CORO1C: variants seen among roughly 807,000 people sequenced by gnomAD.
CORO1C encodes the protein coronin 1C.
Under a neutral mutation model 51.2 loss-of-function variants are expected in CORO1C, and 14 were observed. That is an observed-to-expected ratio of 0.27 (90% CI 0.18 to 0.43). The LOEUF is 0.43. CORO1C is among the 20% of genes least tolerant of loss of function. CORO1C has a pLI of 1.00. For missense variants in CORO1C, 417 were observed against 607.8 expected (o/e 0.69, Z 3.30); for synonymous variants, 181 against 210.5 (o/e 0.86, Z 1.21).
intron 2 of CORO1C, among the ~76,000 whole-genome samples, chr12:108,698,171 A>G (rs2034750810): frequency 6.6e-6 from 1 of 152,240 alleles, no homozygotes; most frequent in Non-Finnish European, 1.5e-5. Context: ...ATGAGGGACC[A>G]CAGGACCACT....
In CORO1C at chr12:108,697,809, TACAG is replaced by T. The variant is rs566250007; in HGVS notation, c.195+3311_195+3314del. Among the ~76,000 whole-genome samples the T allele has an allele frequency of 5.3e-5, 8 of 152,338 alleles. No homozygotes were observed. The East Asian group carries it at 1.5e-3, about 29-fold the overall frequency. ...GCTGGCACACAGCAGGTACTCTGCT[TACAG>T]ACAATCAAACCAACTAATCGTATAT... On this transcript the variant is annotated intron_variant, in intron 2 of 10. Coordinates refer to ENST00000261401, the MANE Select transcript of CORO1C (RefSeq NM_014325.4).
In CORO1C at chr12:108,654,331, G is replaced by C; in HGVS notation, c.830C>G (p.Thr277Ser). 6.2e-7 allele frequency: 1 copy of C among 1,611,380 alleles called. No homozygotes were observed. Among genetic ancestry groups the C allele is most frequent in the Non-Finnish European group, 8.5e-7 (1 of 1,177,582 alleles). The change falls in exon 7 of 11, where the codon ACC becomes AGC. Residue 277 changes from threonine (T) to serine (S), a missense_variant. Coordinates refer to ENST00000261401, the MANE Select transcript of CORO1C (RefSeq NM_014325.4). ...GVLLPFYDPD[T>S]SIIYLCGKGD... ...CTTTCCACATAAGTAAATGATGCTG[G>C]TGTCAGGGTCATAGAAAGGCAGCAA...
At chr12:108,679,109 C>CAA (rs1183326267) in intron 2 of CORO1C, among the ~76,000 whole-genome samples, 46 of 22,034 alleles carry the variant, frequency 2.1e-3, no homozygotes, top group East Asian at 2.8e-3. Context: ...GACTCTGTCT[C>CAA]AAAAAAAAAA....
intron 1 of CORO1C, among the ~76,000 whole-genome samples, chr12:108,705,233 C>T (rs191162619): frequency 1.1e-3 from 167 of 152,178 alleles, no homozygotes; most frequent in African/African-American, 3.8e-3. Context: ...AATCCCCACA[C>T]TTTGGGAGGC....
chr12:108,714,677 T>C (rs1433848027), intron 1 of CORO1C, among the ~76,000 whole-genome samples: 2 of 151,892 alleles, frequency 1.3e-5, no homozygotes, highest in Non-Finnish European at 2.9e-5. Flanking sequence ...GCAGGAGGAT[T>C]GCTTGAGCCC....
intron 2 of CORO1C, among the ~76,000 whole-genome samples, chr12:108,686,173 G>A (rs1055136713): frequency 2.6e-5 from 4 of 152,152 alleles, no homozygotes; most frequent in South Asian, 2.1e-4. Context: ...ATTCTCATTC[G>A]TCTGCACGAC....
chr12:108,675,056 G>A (rs907316458), intron 3 of CORO1C, among the ~76,000 whole-genome samples: 9 of 152,048 alleles, frequency 5.9e-5, no homozygotes, highest in African/African-American at 1.7e-4. Flanking sequence ...CTTTATTGTC[G>A]TGGTCTCATC....
intron 7 of CORO1C, 25 bp from the exon 8 acceptor site, chr12:108,652,442 G>C (rs1462400652): frequency 6.2e-7 from 1 of 1,601,344 alleles, no homozygotes; most frequent in African/African-American, 1.3e-5. Flanking sequence ...AGACAAGTCT[G>C]TGTCTGATTG....
chr12:108,699,303 T>C (rs192050405), intron 2 of CORO1C, among the ~76,000 whole-genome samples: 64 of 152,354 alleles, frequency 4.2e-4, no homozygotes, highest in African/African-American at 1.4e-3. Flanking sequence ...TTTCTCATGG[T>C]CTGTAAAAGC....
At position 108,667,402 on chromosome 12, in the gene CORO1C, T is replaced by G. The variant is rs117316420; in HGVS notation, c.319-5244A>C. On this transcript the variant is annotated intron_variant, in intron 3 of 10. Transcript: ENST00000261401. Reference sequence around the variant, plus strand: ...ACCAACCAGCTTTCTCAAAACTGTATGCAGTGAGTGCAGAGGAAAACAGAC... The same window carrying G: ...ACCAACCAGCTTTCTCAAAACTGTAGGCAGTGAGTGCAGAGGAAAACAGAC... Among the ~76,000 whole-genome samples, 840 of 152,376 alleles carry G rather than the reference T, an allele frequency of 5.5e-3. 4 individuals carry two copies. Among genetic ancestry groups the G allele is most frequent in the Non-Finnish European group, 9.2e-3 (629 of 68,032 alleles).
intron 7 of CORO1C, among the ~76,000 whole-genome samples, chr12:108,652,769 A>C (rs540367068): frequency 1.3e-5 from 2 of 152,352 alleles, no homozygotes; most frequent in South Asian, 4.1e-4. Context: ...ACAAACAAAC[A>C]AACAAAGACT....
At chr12:108,713,071 G>C (rs1241635053) in intron 1 of CORO1C, among the ~76,000 whole-genome samples, 1 of 151,950 alleles carries the variant, frequency 6.6e-6, no homozygotes, top group Non-Finnish European at 1.5e-5. Flanking sequence ...ATTCATACAT[G>C]AGACATTCCA....
intron 2 of CORO1C, among the ~76,000 whole-genome samples, chr12:108,694,517 G>T (rs2034611407): frequency 1.3e-5 from 2 of 151,904 alleles, no homozygotes; most frequent in African/African-American, 4.8e-5. Context: ...TTAAGTGCAG[G>T]TAATTATAAA....
intron 1 of CORO1C, among the ~76,000 whole-genome samples, chr12:108,716,001 C>T (rs933785614): frequency 6.6e-6 from 1 of 151,470 alleles, no homozygotes; most frequent in African/African-American, 2.4e-5. Flanking sequence ...CGTGGTGGCA[C>T]GCGCCTGTAA....
intron 6 of CORO1C, among the ~76,000 whole-genome samples, chr12:108,654,789 G>A (rs911149514): frequency 4.0e-5 from 6 of 150,810 alleles, no homozygotes; most frequent in Non-Finnish European, 7.4e-5. Context: ...TGCAATCTCC[G>A]CCTCCCAAGT....
In CORO1C at chr12:108,654,377, T is replaced by C; in HGVS notation, c.784A>G (p.Met262Val). The C allele has an allele frequency of 1.2e-6, 2 of 1,612,774 alleles. No homozygotes were observed. Among genetic ancestry groups the C allele is most frequent in the Non-Finnish European group, 1.7e-6 (2 of 1,178,858 alleles). ...NMQEPIALHE[M>V]DTSNGVLLPF... ...AGCAACACCCCATTGCTAGTGTCCA[T>C]CTCATGAAGAGCAATTGGTTCCTGC... Residue 262 changes from methionine (M) to valine (V), a missense_variant, in exon 7 of 11, where the codon ATG (methionine) becomes GTG (valine). Physicochemically the swap from Met to Val is conservative, Grantham distance 21 (BLOSUM62 1). Transcript: ENST00000261401.
intron 2 of CORO1C, among the ~76,000 whole-genome samples, chr12:108,683,297 T>C (rs1436034936): frequency 1.3e-5 from 2 of 151,728 alleles, no homozygotes; most frequent in Non-Finnish European, 2.9e-5. Context: ...TGGGTGCCTG[T>C]AATTCCAGCT....
At chr12:108,712,609 A>G (rs375897817) in intron 1 of CORO1C, among the ~76,000 whole-genome samples, 53 of 151,406 alleles carry the variant, frequency 3.5e-4, no homozygotes, top group African/African-American at 1.3e-3. Flanking sequence ...GGGAAATGTA[A>G]TAATATATAA....
chr12:108,679,510 C>T (rs1377578199), intron 2 of CORO1C, among the ~76,000 whole-genome samples: 1 of 152,174 alleles, frequency 6.6e-6, no homozygotes. Flanking sequence ...TAGCTTAATG[C>T]CAGTCCACGC....
Sources: allele counts gnomAD v4.1 joint callset (sites outside exome capture counted in the v4.1 genomes callset), GRCh38; gene constraint gnomAD v4.1.1; transcripts MANE v1.5; gene names NCBI Gene and HGNC (gene_info 2026-07-23, HGNC 2026-07-21).